FHIT: variants seen among roughly 807,000 people sequenced by gnomAD.
FHIT encodes fragile histidine triad diadenosine triphosphatase, also known as bis(5'-adenosyl)-triphosphatase.
In FHIT, 19 loss-of-function variants were observed where a neutral mutation model predicts 17.9. That is an observed-to-expected ratio of 1.06 (90% CI 0.74 to 1.56). The LOEUF (loss-of-function observed/expected upper bound fraction) is 1.56, where lower values mean the gene tolerates loss of function less well. Ranked by LOEUF, FHIT falls within the 40% of genes most tolerant of loss-of-function variation. The probability of loss-of-function intolerance (pLI) is 0.00; values close to 1 mark genes in which losing one functional copy is unlikely to be tolerated. For synonymous variants in FHIT, 81 were observed against 69.7 expected (o/e 1.16, Z -0.81); for missense variants, 248 against 189.2 (o/e 1.31, Z -1.82).
At chr3:60,780,315 C>T (rs563527556) in intron 4 of FHIT, among the ~76,000 whole-genome samples, 11 of 152,276 alleles carry the variant, frequency 7.2e-5, no homozygotes, top group African/African-American at 2.2e-4. Context: ...ATGCATCCTC[C>T]AAACTAGAAA....
In FHIT at chr3:60,137,447, T is replaced by C. The variant is rs181212740; in HGVS notation, c.104-123295A>G. Among the ~76,000 whole-genome samples the C allele has an allele frequency of 2.4e-3, 367 of 152,296 alleles. 1 individual carries two copies. The highest frequency in any genetic ancestry group is 3.6e-3 in the Non-Finnish European group (244 of 68,024). ...GAAAACTAACAATTAAAATGTGAGT[T>C]AAACTGAGGAAACATCTTACATCTG... On this transcript the variant is annotated intron_variant, in intron 5 of 9. Transcript: ENST00000492590.
At chr3:60,828,502 C>T (rs1462713890) in intron 3 of FHIT, among the ~76,000 whole-genome samples, 1 of 152,050 alleles carries the variant, frequency 6.6e-6, no homozygotes. Context: ...ATCTAATCCT[C>T]CTGGAAGCTA....
chr3:60,186,066 T>G (rs1332371689), intron 5 of FHIT, among the ~76,000 whole-genome samples: 2 of 152,212 alleles, frequency 1.3e-5, no homozygotes, highest in African/African-American at 4.8e-5. Context: ...TTATCAGATT[T>G]GTATTTTGTG....
At chr3:59,887,176 G>C (rs773994068) in intron 8 of FHIT, among the ~76,000 whole-genome samples, 7 of 152,142 alleles carry the variant, frequency 4.6e-5, no homozygotes, top group Non-Finnish European at 1.0e-4. Flanking sequence ...ATTCACTTTT[G>C]ACTTTATCAA....
intron 2 of FHIT, among the ~76,000 whole-genome samples, chr3:61,134,523 A>T (rs532608153): frequency 6.6e-6 from 1 of 152,280 alleles, no homozygotes; most frequent in South Asian, 2.1e-4. Context: ...GCTATGAGAC[A>T]TCTCTTCAAA....
chr3:60,524,205 C>G (rs1272566520), intron 5 of FHIT, among the ~76,000 whole-genome samples: 1 of 19,936 alleles, frequency 5.0e-5, no homozygotes, highest in African/African-American at 9.8e-5. Flanking sequence ...GAGACACACA[C>G]ACACACACAC....
At chr3:60,108,667 T>C (rs1165387121) in intron 5 of FHIT, among the ~76,000 whole-genome samples, 2 of 48,622 alleles carry the variant, frequency 4.1e-5, no homozygotes, top group Admixed American at 2.4e-4. Context: ...TTACTTCTCT[T>C]TTTTTTTTTT....
chr3:61,041,071 A>G (rs2033486160), intron 3 of FHIT, among the ~76,000 whole-genome samples: 1 of 152,134 alleles, frequency 6.6e-6, no homozygotes, highest in South Asian at 2.1e-4. Context: ...ACAAGGTTTA[A>G]TAACCTCATA....
chr3:60,556,830 G>A (rs2036757570), intron 4 of FHIT, among the ~76,000 whole-genome samples: 1 of 152,222 alleles, frequency 6.6e-6, no homozygotes, highest in Non-Finnish European at 1.5e-5. Context: ...TGACCACCGT[G>A]TTGAACACTG....
Position 60,171,501 on chromosome 3 carries a change from C to G in FHIT, c.104-157349G>C, listed in dbSNP as rs1319920016. Among the ~76,000 whole-genome samples the G allele has an allele frequency of 2.6e-5, 4 of 152,114 alleles. No homozygotes were observed. In the South Asian group the frequency reaches 6.2e-4, roughly 24 times the overall value. Reference sequence around the variant, plus strand: ...ACTAATTGTGGGTGCCAACTGGATGCTGAATTGCTGAATTTCTGAATGGTT... The same window carrying G: ...ACTAATTGTGGGTGCCAACTGGATGGTGAATTGCTGAATTTCTGAATGGTT... On this transcript the variant is annotated intron_variant, in intron 5 of 9. Coordinates refer to ENST00000492590, the MANE Select transcript of FHIT (RefSeq NM_002012.4).
intron 5 of FHIT, among the ~76,000 whole-genome samples, chr3:60,137,817 G>C (rs553968303): frequency 3.9e-5 from 6 of 152,130 alleles, no homozygotes; most frequent in South Asian, 2.1e-4. Context: ...TAAAAAGAAA[G>C]TGACAACACA....
intron 3 of FHIT, among the ~76,000 whole-genome samples, chr3:60,931,447 T>C (rs1276108066): frequency 1.3e-5 from 2 of 152,262 alleles, no homozygotes; most frequent in African/African-American, 4.8e-5. Context: ...TTACACTATG[T>C]GCAACTCATT....
In FHIT at chr3:59,828,843, C is replaced by CTGTGTGTGTGTGTGTGTG. The variant is rs10637442; in HGVS notation, c.349-76523_349-76522insCACACACACACACACACA. Among the ~76,000 whole-genome samples the CTGTGTGTGTGTGTGTGTG allele has an allele frequency of 6.1e-4, 89 of 146,860 alleles. 3 individuals are homozygous for CTGTGTGTGTGTGTGTGTG. Among genetic ancestry groups the CTGTGTGTGTGTGTGTGTG allele is most frequent in the South Asian group, 4.8e-3 (22 of 4,610 alleles). On this transcript the variant is annotated intron_variant, in intron 8 of 9. Coordinates refer to ENST00000492590, the MANE Select transcript of FHIT (RefSeq NM_002012.4). ...TTTTGTTTTTTTAACCAATGGTACT[C>CTGTGTGTGTGTGTGTGTG]TCTCTGTGTGTGTGTGTGTGTGTGT... is the stretch of plus-strand genomic sequence containing the variant.
intron 5 of FHIT, among the ~76,000 whole-genome samples, chr3:60,119,063 C>A (rs1224582000): frequency 6.6e-6 from 1 of 151,568 alleles, no homozygotes; most frequent in Non-Finnish European, 1.5e-5. Flanking sequence ...TACCCTATTT[C>A]TTCAATTTTT....
At chr3:60,500,131 C>A (rs900396812) in intron 5 of FHIT, among the ~76,000 whole-genome samples, 5 of 152,092 alleles carry the variant, frequency 3.3e-5, no homozygotes, top group Non-Finnish European at 7.4e-5. Flanking sequence ...AAATGACGGC[C>A]CTAGAGCCAA....
At chr3:60,595,587 G>T (rs182419058) in intron 4 of FHIT, among the ~76,000 whole-genome samples, 1 of 150,144 alleles carries the variant, frequency 6.7e-6, no homozygotes, top group African/African-American at 2.5e-5. Flanking sequence ...ACGCACATAC[G>T]TATGTGTATA....
intron 5 of FHIT, among the ~76,000 whole-genome samples, chr3:60,071,463 A>G (rs1305437082): frequency 2.0e-5 from 3 of 152,176 alleles, no homozygotes; most frequent in Non-Finnish European, 2.9e-5. Flanking sequence ...TTTCTGTACT[A>G]TAACAAGCAT....
intron 5 of FHIT, among the ~76,000 whole-genome samples, chr3:60,252,259 T>C (rs1369057597): frequency 6.6e-6 from 1 of 152,118 alleles, no homozygotes; most frequent in African/African-American, 2.4e-5. Context: ...GTGCTTTATA[T>C]TGGACATTAA....
In FHIT at chr3:60,941,909, T is replaced by C. The variant is rs572049656; in HGVS notation, c.-111+100138A>G. On this transcript the variant is annotated intron_variant, in intron 3 of 9. Coordinates refer to ENST00000492590, the MANE Select transcript of FHIT (RefSeq NM_002012.4). ...AAGTAACCTTTGTTGATCTGCCCTT[T>C]GCCCTGGTAAAATTAGGTTCCCTGT... Among the ~76,000 whole-genome samples, 6 of 152,366 alleles carry C rather than the reference T, an allele frequency of 3.9e-5. No homozygotes were observed. In the South Asian group the frequency reaches 1.2e-3, roughly 32 times the overall value.
Sources: gnomAD v4.1 joint callset for allele counts (sites outside exome capture counted in the v4.1 genomes callset) on GRCh38, gnomAD v4.1.1 for gene constraint, MANE v1.5 for transcripts, NCBI Gene and HGNC (gene_info 2026-07-23, HGNC 2026-07-21) for gene names.